Variants in MYO10 observed in about 807,000 individuals in gnomAD.
MYO10 encodes the protein unconventional myosin-X.
Under a neutral mutation model 257.3 loss-of-function variants are expected in MYO10, and 133 were observed. That is an observed-to-expected ratio of 0.52 (90% CI 0.45 to 0.60). The LOEUF (loss-of-function observed/expected upper bound fraction) is 0.60, where lower values mean the gene tolerates loss of function less well. MYO10 is among the 20% of genes least tolerant of loss of function. The probability of loss-of-function intolerance (pLI) is 0.00; values close to 1 mark genes in which losing one functional copy is unlikely to be tolerated. For missense variants in MYO10, 2,399 were observed against 2,635.7 expected, an observed-to-expected ratio of 0.91 and a Z score of 1.97; for synonymous variants, 1,104 against 1,028.6, an observed-to-expected ratio of 1.07 and a Z score of -1.40.
chr5:16,710,976 C>G lies in MYO10; in HGVS notation c.2101G>C (p.Gly701Arg), dbSNP rs1301708683. 6.2e-7 allele frequency: 1 copy of G among 1,613,956 alleles called. No individual in the cohort carries two copies. Among genetic ancestry groups the G allele is most frequent in the Non-Finnish European group, 8.5e-7 (1 of 1,179,874 alleles). The stretch of plus-strand genomic sequence containing the variant: ...AGCTGCAGCAGGCTCGTGCACTTCC[C>G]TCGGACGTCCTCAGGCAGAGCCAGA... ...RNLALPEDVR[G>R]KCTSLLQLYD... Residue 701 changes from glycine (G) to arginine (R), a missense_variant, in exon 21 of 41, where the codon GGG becomes CGG. By Grantham distance (125) the Gly-to-Arg change is moderately radical. This residue lies in a region of MYO10 where 1,820 missense variants were observed against 1,939.4 expected (regional missense o/e 0.94). Coordinates refer to ENST00000513610, the MANE Select transcript of MYO10 (RefSeq NM_012334.3).
At chr5:16,930,522 G>A (rs1486651799) in intron 1 of MYO10, among the ~76,000 whole-genome samples, 1 of 152,176 alleles carries the variant, frequency 6.6e-6, no homozygotes, top group Non-Finnish European at 1.5e-5. Context: ...ACGCACCACA[G>A]GAAGCTACCT....
At chr5:16,883,842 C>T (rs1744823032) in intron 1 of MYO10, among the ~76,000 whole-genome samples, 1 of 152,182 alleles carries the variant, frequency 6.6e-6, no homozygotes, top group Admixed American at 6.5e-5. Flanking sequence ...GTTAGAGAAA[C>T]AACCCTAAAA....
chr5:16,839,483 C>T (rs1016216414), intron 2 of MYO10, among the ~76,000 whole-genome samples: 2 of 152,178 alleles, frequency 1.3e-5, no homozygotes, highest in African/African-American at 2.4e-5. Context: ...GTGGCTCACA[C>T]CTGCAATTCC....
chr5:16,773,775 C>T (rs1431789120), intron 9 of MYO10, among the ~76,000 whole-genome samples: 1 of 149,288 alleles, frequency 6.7e-6, no homozygotes, highest in African/African-American at 2.5e-5. Flanking sequence ...AAAAAAAATA[C>T]AAAGGTTGTA....
intron 38 of MYO10, 86 bp from the exon 39 acceptor site, chr5:16,671,064 G>T: frequency 8.0e-7 from 1 of 1,251,598 alleles, no homozygotes; most frequent in Non-Finnish European, 1.1e-6. Context: ...ACTTCATGAG[G>T]GTTTCTCTCA....
intron 1 of MYO10, among the ~76,000 whole-genome samples, chr5:16,929,874 A>G (rs31452): frequency 0.47 from 71,436 of 151,952 alleles, 17,124 homozygotes; most frequent in African/African-American, 0.53. Context: ...GACTGTACTC[A>G]AGAAACACTA....
chr5:16,771,547 TTTA>T (rs201265648), intron 9 of MYO10, among the ~76,000 whole-genome samples: 38,377 of 136,538 alleles, frequency 0.28, 5,342 homozygotes, highest in East Asian at 0.34. Flanking sequence ...ACTATTATGA[TTTA>T]TTATTATTAT....
chr5:16,734,640 AC>A (rs1441257758), intron 19 of MYO10, among the ~76,000 whole-genome samples: 1 of 152,092 alleles, frequency 6.6e-6, no homozygotes, highest in Non-Finnish European at 1.5e-5. Context: ...CCCCGTCTCT[AC>A]TAAAAATACA....
chr5:16,793,804 G>A (rs552169117), intron 4 of MYO10, among the ~76,000 whole-genome samples: 1 of 151,954 alleles, frequency 6.6e-6, no homozygotes, highest in South Asian at 2.1e-4. Context: ...GGCGACGCAT[G>A]CCTGTAATCC....
intron 3 of MYO10, among the ~76,000 whole-genome samples, chr5:16,816,040 T>TAAA (rs570072651): frequency 3.3e-5 from 3 of 91,996 alleles, no homozygotes; most frequent in African/African-American, 8.0e-5. Context: ...TTTCACAGTG[T>TAAA]AAAAAAAAAA....
Position 16,818,104 on chromosome 5 carries a change from C to T in MYO10, c.184G>A (p.Glu62Lys), listed in dbSNP as rs1263191582. The change falls in exon 3 of 41, where the codon GAG (glutamate) becomes AAG (lysine). Residue 62 changes from glutamate (E) to lysine (K), a missense_variant. This residue lies in a region of MYO10 where 242 missense variants were observed against 249.5 expected (regional missense o/e 0.97). Coordinates refer to ENST00000513610, the MANE Select transcript of MYO10 (RefSeq NM_012334.3). ...QKVTAMHPTNEEGVDDMASLT... is the reference protein window; with the variant it reads ...QKVTAMHPTNKEGVDDMASLT... ...GACGCCATGTCATCCACGCCCTCCT[C>T]GTTCGTGGGGTGCATAGCAGTCACC... 6 of 1,611,838 alleles carry T rather than the reference C, an allele frequency of 3.7e-6. No homozygotes were observed. The highest frequency in any genetic ancestry group is 2.2e-5 in the East Asian group (1 of 44,838).
At chr5:16,781,046 T>C (rs1318632781) in intron 6 of MYO10, among the ~76,000 whole-genome samples, 1 of 152,158 alleles carries the variant, frequency 6.6e-6, no homozygotes, top group East Asian at 1.9e-4. Flanking sequence ...TATCAGAGAT[T>C]TATAAAACAA....
intron 2 of MYO10, among the ~76,000 whole-genome samples, chr5:16,832,122 T>C (rs372091311): frequency 6.6e-6 from 1 of 152,054 alleles, no homozygotes; most frequent in African/African-American, 2.4e-5. Flanking sequence ...AATTTTTGTG[T>C]AGAGACAGGG....
Position 16,781,700 on chromosome 5 carries a change from G to A in MYO10, c.727+5C>T, listed in dbSNP as rs759686456. The A allele has an allele frequency of 6.8e-6, 11 of 1,612,560 alleles. No individual in the cohort carries two copies. The African/African-American group carries it at 1.3e-4, about 20-fold the overall frequency. ...CTATAGATAAAAATAAATGAAAGAG[G>A]ATACAATCTACAATTCTCCCGCCCT... On this transcript the variant is annotated splice_donor_5th_base_variant and intron_variant, in intron 6 of 40. Transcript: ENST00000513610.
At chr5:16,744,437 C>CG (rs1740116409) in intron 19 of MYO10, among the ~76,000 whole-genome samples, 1 of 152,126 alleles carries the variant, frequency 6.6e-6, no homozygotes, top group Non-Finnish European at 1.5e-5. Context: ...TCTATTGTAT[C>CG]GGTGGCTTCA....
intron 6 of MYO10, 48 bp downstream of exon 6, chr5:16,781,657 C>A (rs749651365): frequency 1.3e-6 from 2 of 1,551,418 alleles, no homozygotes; most frequent in East Asian, 2.3e-5. Flanking sequence ...GAACAGTTTC[C>A]ACTTAGAGAA....
At chr5:16,786,549 CT>C (rs34031491) in intron 4 of MYO10, among the ~76,000 whole-genome samples, 1 of 151,960 alleles carries the variant, frequency 6.6e-6, no homozygotes, top group Non-Finnish European at 1.5e-5. Flanking sequence ...GAATCTGAAA[CT>C]TTTTTTTAGT....
In MYO10 at chr5:16,701,760, C is replaced by T; in HGVS notation, c.2635G>A (p.Glu879Lys). 1.2e-6 allele frequency: 2 copies of T among 1,614,012 alleles called. No individual in the cohort carries two copies. Among genetic ancestry groups the T allele is most frequent in the Non-Finnish European group, 1.7e-6 (2 of 1,179,892 alleles). Residue 879 changes from glutamate to lysine, a missense_variant, in exon 25 of 41, where the codon GAG (glutamate) becomes AAG (lysine). Physicochemically the swap from Glu to Lys is moderately conservative, Grantham distance 56 (BLOSUM62 1). This residue lies in a region of MYO10 where 1,820 missense variants were observed against 1,939.4 expected (regional missense o/e 0.94). Transcript: ENST00000513610. The surrounding 1 kb of genome is among the most constrained non-coding windows in gnomAD (Gnocchi z 8.1). ...ACCTGCTTATTTTCCTTCTGTTTCT[C>T]CAGTTCACGGGTCAGTTCAGCTTCC... The part of the protein sequence containing the change: ...QKEAELTREL[E>K]KQKENKQVEE...
At chr5:16,842,628 A>G (rs1053877740) in intron 2 of MYO10, among the ~76,000 whole-genome samples, 1 of 152,174 alleles carries the variant, frequency 6.6e-6, no homozygotes, top group African/African-American at 2.4e-5. Flanking sequence ...ACAACTGATT[A>G]CAATGCATAA....
Sources: allele counts gnomAD v4.1 joint callset (sites outside exome capture counted in the v4.1 genomes callset), GRCh38; gene constraint gnomAD v4.1.1; regional missense constraint gnomAD v4.1.1; non-coding constraint Gnocchi (gnomAD v3.1); transcripts MANE v1.5; gene names NCBI Gene and HGNC (gene_info 2026-07-23, HGNC 2026-07-21).